The following MYO1D variants were observed in gnomAD, a reference collection of about 807,000 sequenced individuals.
The protein encoded by MYO1D is unconventional myosin-Id.
MYO1D carries 83 observed loss-of-function variants against 122.0 expected under a neutral mutation model. The ratio of observed to expected loss-of-function variants is 0.68; its 90% CI spans 0.57 to 0.82. The LOEUF is 0.82. MYO1D is among the 40% of genes least tolerant of loss of function. The pLI is 0.00. For missense variants in MYO1D, 1,157 were observed against 1,269.5 expected (o/e 0.91, Z 1.35); for synonymous variants, 464 against 446.9 (o/e 1.04, Z -0.48).
intron 16 of MYO1D, among the ~76,000 whole-genome samples, chr17:32,671,586 A>G (rs954644732): frequency 9.2e-5 from 14 of 152,226 alleles, no homozygotes; most frequent in Non-Finnish European, 7.3e-5. Flanking sequence ...ACAATTTTAC[A>G]TAAGCAAGAG....
chr17:32,780,180 T>A (rs2090220811), intron 2 of MYO1D, among the ~76,000 whole-genome samples: 1 of 152,142 alleles, frequency 6.6e-6, no homozygotes, highest in Admixed American at 6.5e-5. Context: ...CAACACTAGT[T>A]CCCAAGCACC....
chr17:32,707,349 T>C (rs555066154), intron 16 of MYO1D, among the ~76,000 whole-genome samples: 1 of 152,004 alleles, frequency 6.6e-6, no homozygotes, highest in East Asian at 1.9e-4. Flanking sequence ...AGGGAAAAAA[T>C]TAAAAAGCCT....
At chr17:32,512,303 T>TAA (rs370039550) in intron 21 of MYO1D, among the ~76,000 whole-genome samples, 3 of 118,480 alleles carry the variant, frequency 2.5e-5, no homozygotes, top group Non-Finnish European at 3.7e-5. Context: ...TCTTATCTCA[T>TAA]AAAAAAAAAA....
intron 21 of MYO1D, chr17:32,498,557 G>C (rs759869909): frequency 6.6e-6 from 1 of 152,188 alleles, no homozygotes; most frequent in Non-Finnish European, 1.5e-5. Flanking sequence ...CATGAAACCC[G>C]AGCTGGGAGC....
chr17:32,862,540 G>C (rs1326394201), intron 1 of MYO1D, among the ~76,000 whole-genome samples: 1 of 152,234 alleles, frequency 6.6e-6, no homozygotes, highest in African/African-American at 2.4e-5. Context: ...AGAAAAGACT[G>C]TAAAGGAAAT....
At chr17:32,595,230 C>T (rs2087480005) in intron 21 of MYO1D, among the ~76,000 whole-genome samples, 1 of 152,122 alleles carries the variant, frequency 6.6e-6, no homozygotes, top group Non-Finnish European at 1.5e-5. Context: ...TTCTCTAGCA[C>T]TGCAGGGTGA....
chr17:32,673,648 C>G (rs148319408), intron 16 of MYO1D, among the ~76,000 whole-genome samples: 2 of 152,188 alleles, frequency 1.3e-5, no homozygotes, highest in African/African-American at 4.8e-5. Context: ...GTATTCCCAG[C>G]TACTTGAGAG....
At chr17:32,501,668 G>A (rs1310698041) in intron 21 of MYO1D, among the ~76,000 whole-genome samples, 1 of 152,230 alleles carries the variant, frequency 6.6e-6, no homozygotes, top group Non-Finnish European at 1.5e-5. Flanking sequence ...AGCACGTACC[G>A]GGAGGCATCC....
intron 21 of MYO1D, among the ~76,000 whole-genome samples, chr17:32,550,391 C>T (rs949487304): frequency 6.6e-6 from 1 of 152,182 alleles, no homozygotes; most frequent in Non-Finnish European, 1.5e-5. Context: ...CCAGCCTGAG[C>T]TATGCTTTGT....
At chr17:32,543,372 C>G (rs1339789305) in intron 21 of MYO1D, among the ~76,000 whole-genome samples, 2 of 151,282 alleles carry the variant, frequency 1.3e-5, no homozygotes, top group African/African-American at 2.4e-5. Context: ...GTTAGGAGAT[C>G]GAGACCATCC....
intron 21 of MYO1D, among the ~76,000 whole-genome samples, chr17:32,537,779 T>A: frequency 6.6e-6 from 1 of 152,184 alleles, no homozygotes; most frequent in Non-Finnish European, 1.5e-5. Flanking sequence ...CATAGTAATA[T>A]AAATGTCAGT....
At chr17:32,514,294 T>A (rs1406529320) in intron 21 of MYO1D, among the ~76,000 whole-genome samples, 5 of 148,036 alleles carry the variant, frequency 3.4e-5, no homozygotes, top group Non-Finnish European at 7.4e-5. Flanking sequence ...GGTTTTCCTA[T>A]GTTGCCCTGG....
intron 21 of MYO1D, among the ~76,000 whole-genome samples, chr17:32,516,777 C>T (rs1170585015): frequency 6.6e-6 from 1 of 152,200 alleles, no homozygotes; most frequent in Non-Finnish European, 1.5e-5. Flanking sequence ...TATTTACTGC[C>T]TGCATTGTTA....
At chr17:32,507,789 C>G (rs1159444020) in intron 21 of MYO1D, among the ~76,000 whole-genome samples, 1 of 151,972 alleles carries the variant, frequency 6.6e-6, no homozygotes, top group Non-Finnish European at 1.5e-5. Flanking sequence ...GAAGAGAAAC[C>G]AGGGTGCTTG....
At chr17:32,638,989 T>C (rs920464223) in intron 19 of MYO1D, among the ~76,000 whole-genome samples, 154 bp from the exon 20 acceptor site, 1 of 152,186 alleles carries the variant, frequency 6.6e-6, no homozygotes, top group African/African-American at 2.4e-5. Flanking sequence ...TTCCCATACT[T>C]GTGGAATTTG....
At chr17:32,653,273 G>T (rs1047029899) in intron 19 of MYO1D, among the ~76,000 whole-genome samples, 1 of 151,796 alleles carries the variant, frequency 6.6e-6, no homozygotes, top group Non-Finnish European at 1.5e-5. Context: ...CTTTAAAGAG[G>T]TCCCCGCAAT....
At chr17:32,782,054 T>G (rs2090244550) in intron 1 of MYO1D, among the ~76,000 whole-genome samples, 1 of 152,226 alleles carries the variant, frequency 6.6e-6, no homozygotes, top group South Asian at 2.1e-4. Flanking sequence ...CTAAGCACGC[T>G]TGCTTCATGG....
intron 15 of MYO1D, among the ~76,000 whole-genome samples, chr17:32,718,726 T>C (rs1297477011): frequency 6.6e-6 from 1 of 152,078 alleles, no homozygotes; most frequent in Non-Finnish European, 1.5e-5. Flanking sequence ...CCATCTTCTC[T>C]TGGCTTCTGT....
At chr17:32,641,384 C>G (rs1461948291) in intron 19 of MYO1D, among the ~76,000 whole-genome samples, 2 of 151,906 alleles carry the variant, frequency 1.3e-5, no homozygotes, top group Non-Finnish European at 2.9e-5. Flanking sequence ...TGAATAGTGC[C>G]ACAATAAACA....
Sources: allele counts gnomAD v4.1 joint callset (sites outside exome capture counted in the v4.1 genomes callset), GRCh38; gene constraint gnomAD v4.1.1; transcripts MANE v1.5; gene names NCBI Gene and HGNC (gene_info 2026-07-23, HGNC 2026-07-21).